Variants in MGAT5 observed in about 807,000 individuals in gnomAD.
MGAT5 encodes the protein alpha-1,6-mannosylglycoprotein 6-beta-N-acetylglucosaminyltransferase A.
In MGAT5, 30 loss-of-function variants were observed where a neutral mutation model predicts 94.3. The observed-to-expected ratio is 0.32, with a 90% CI of 0.24 to 0.43. The LOEUF (loss-of-function observed/expected upper bound fraction) is 0.43. MGAT5 is among the 20% of genes least tolerant of loss of function. MGAT5 has a pLI of 1.00. For synonymous variants in MGAT5, 310 were observed against 322.9 expected (o/e 0.96, Z 0.43); for missense variants, 691 against 905.5 (o/e 0.76, Z 3.04).
intron 1 of MGAT5, among the ~76,000 whole-genome samples, chr2:134,147,676 T>G (rs1686984896): frequency 6.6e-6 from 1 of 152,184 alleles, no homozygotes; most frequent in South Asian, 2.1e-4. Context: ...TTTTGTTTTG[T>G]TGTCCTCTTT....
At chr2:134,342,219 A>G (rs1688673993) in intron 7 of MGAT5, among the ~76,000 whole-genome samples, 1 of 152,160 alleles carries the variant, frequency 6.6e-6, no homozygotes, top group Non-Finnish European at 1.5e-5. Flanking sequence ...CAATTAGCCA[A>G]CTTTCAGCTG....
At chr2:134,340,588 G>T (rs1326292293) in intron 6 of MGAT5, among the ~76,000 whole-genome samples, 1 of 152,090 alleles carries the variant, frequency 6.6e-6, no homozygotes, top group Non-Finnish European at 1.5e-5. Context: ...TGAAAAACTG[G>T]CAAATGAAGA....
chr2:134,266,992 C>T (rs1683758105), intron 1 of MGAT5, among the ~76,000 whole-genome samples: 3 of 152,214 alleles, frequency 2.0e-5, no homozygotes, highest in African/African-American at 7.2e-5. Flanking sequence ...CTTGATGTAT[C>T]TGGTAGTCTC....
chr2:134,343,573 T>G (rs1688749713), intron 7 of MGAT5, among the ~76,000 whole-genome samples: 2 of 152,184 alleles, frequency 1.3e-5, no homozygotes, highest in African/African-American at 2.4e-5. Context: ...TTCTTAATTT[T>G]GGGGGATCTT....
At chr2:134,207,767 C>T (rs566456651) in intron 1 of MGAT5, among the ~76,000 whole-genome samples, 1 of 152,082 alleles carries the variant, frequency 6.6e-6, no homozygotes, top group African/African-American at 2.4e-5. Context: ...CATTTGTGCT[C>T]TTGCCATCTA....
chr2:134,303,872 C>A (rs1213523264), intron 2 of MGAT5, among the ~76,000 whole-genome samples: 3 of 152,152 alleles, frequency 2.0e-5, no homozygotes, highest in East Asian at 3.8e-4. Flanking sequence ...TTGCTACCTT[C>A]CAGACTTGAT....
chr2:134,155,794 C>G (rs1007437126), intron 1 of MGAT5, among the ~76,000 whole-genome samples: 6 of 152,076 alleles, frequency 3.9e-5, no homozygotes, highest in African/African-American at 1.4e-4. Flanking sequence ...GCTCCAGGGC[C>G]TTTGCACATG....
At chr2:134,226,213 T>G (rs549333646) in intron 1 of MGAT5, among the ~76,000 whole-genome samples, 18 of 152,370 alleles carry the variant, frequency 1.2e-4, no homozygotes, top group Admixed American at 2.0e-4. Flanking sequence ...GCCTAGTTGA[T>G]GCATGGTCAC....
intron 2 of MGAT5, among the ~76,000 whole-genome samples, chr2:134,282,670 C>T (rs1482144662): frequency 6.6e-6 from 1 of 152,150 alleles, no homozygotes; most frequent in African/African-American, 2.4e-5. Flanking sequence ...GATGACACTC[C>T]AGCAGTGAAG....
chr2:134,291,914 A>G lies in MGAT5; in HGVS notation c.406+21364A>G, dbSNP rs1273379207. Among the ~76,000 whole-genome samples the G allele has an allele frequency of 1.2e-4, 19 of 152,300 alleles. No homozygotes were observed. The South Asian group carries it at 3.9e-3, about 32-fold the overall frequency. On this transcript the variant is annotated intron_variant, in intron 2 of 15. Transcript: ENST00000281923. The stretch of plus-strand genomic sequence containing the variant: ...CGTCTCTCCCTTTATATCGGCAGTC[A>G]TAGAATCTGGTTCATTCTGGAACTT...
chr2:134,380,397 G>T lies in MGAT5; in HGVS notation c.1380+17989G>T, dbSNP rs1236452151. ...AACGGAAAACAGTGGTGTCAGTCTG[G>T]CCCAGCTTTATGCTGTTGTTAGAAT... On this transcript the variant is annotated intron_variant, in intron 10 of 15. Coordinates refer to ENST00000281923, the MANE Select transcript of MGAT5 (RefSeq NM_002410.5). 2.6e-5 allele frequency among the ~76,000 whole-genome samples: 4 copies of T among 152,178 alleles called. No homozygotes were observed. In the South Asian group the frequency reaches 6.2e-4, roughly 24 times the overall value.
At chr2:134,218,662 A>T (rs1470178704) in intron 1 of MGAT5, among the ~76,000 whole-genome samples, 1 of 152,136 alleles carries the variant, frequency 6.6e-6, no homozygotes, top group Non-Finnish European at 1.5e-5. Context: ...TTGGAGGCCC[A>T]GGTTGGGACC....
chr2:134,270,117 A>G (rs1683939789), intron 1 of MGAT5, among the ~76,000 whole-genome samples: 6 of 152,336 alleles, frequency 3.9e-5, no homozygotes, highest in Middle Eastern at 3.4e-3. Context: ...GCTAAATAAC[A>G]AGGAGTTTTC....
In MGAT5 at chr2:134,329,629, A is replaced by G. The variant is rs115702852; in HGVS notation, c.574-6588A>G. Among the ~76,000 whole-genome samples, 519 of 152,192 alleles carry G rather than the reference A, an allele frequency of 3.4e-3. 1 individual carries two copies. The highest frequency in any genetic ancestry group is 5.4e-3 in the Non-Finnish European group (370 of 67,986). On this transcript the variant is annotated intron_variant, in intron 4 of 15. Transcript: ENST00000281923. ...AGGTGGCATTTCCATCTTTAGCTGT[A>G]TCTAGTCTGTGCTTCGGCGTCTTCA...
Position 134,362,417 on chromosome 2 carries a change from G to A in MGAT5, c.1380+9G>A. On this transcript the variant is annotated intron_variant, in intron 10 of 15. Transcript: ENST00000281923. ...TGGATAGCTTCTGGAAGGTGAGTCA[G>A]TCTGTGCGTGTCTCTCTCTCTGAAA... The A allele has an allele frequency of 6.2e-7, 1 of 1,607,762 alleles. No individual in the cohort carries two copies. The highest frequency in any genetic ancestry group is 8.5e-7 in the Non-Finnish European group (1 of 1,178,106).
At chr2:134,371,450 C>A (rs1262171928) in intron 10 of MGAT5, among the ~76,000 whole-genome samples, 1 of 152,198 alleles carries the variant, frequency 6.6e-6, no homozygotes, top group Non-Finnish European at 1.5e-5. Flanking sequence ...ACCCCAAATT[C>A]TTGAAATCTG....
intron 10 of MGAT5, among the ~76,000 whole-genome samples, chr2:134,400,840 C>T (rs1320059692): frequency 6.6e-6 from 1 of 152,174 alleles, no homozygotes; most frequent in African/African-American, 2.4e-5. Flanking sequence ...GCAAGATGTC[C>T]CGAGAGGCCT....
chr2:134,361,977 T>A (rs2290050), intron 9 of MGAT5, among the ~76,000 whole-genome samples: 10,267 of 152,236 alleles, frequency 0.067, 821 homozygotes, highest in East Asian at 0.21. Flanking sequence ...GTAGCCTTAT[T>A]CTGAGGCAAC....
chr2:134,146,911 G>A (rs1274647766), intron 1 of MGAT5, among the ~76,000 whole-genome samples: 1 of 152,160 alleles, frequency 6.6e-6, no homozygotes, highest in African/African-American at 2.4e-5. Flanking sequence ...AGAAAAGTAT[G>A]GCTATGAAGA....
Sources: gnomAD v4.1 joint callset for allele counts (sites outside exome capture counted in the v4.1 genomes callset) on GRCh38, gnomAD v4.1.1 for gene constraint, MANE v1.5 for transcripts, NCBI Gene and HGNC (gene_info 2026-07-23, HGNC 2026-07-21) for gene names.